COL9A1: variants seen among roughly 807,000 people sequenced by gnomAD.
COL9A1 encodes collagen alpha-1(IX) chain.
In COL9A1, 104 loss-of-function variants were observed where a neutral mutation model predicts 142.6. The ratio of observed to expected loss-of-function variants is 0.73; its 90% CI spans 0.62 to 0.86. The LOEUF is 0.86. Among genes scored for constraint, COL9A1 ranks in the 40% least tolerant of loss-of-function variants. The pLI, the probability that COL9A1 is intolerant of heterozygous loss-of-function variation, is 0.00. For synonymous variants in COL9A1, 466 were observed against 396.0 expected, an observed-to-expected ratio of 1.18 and a Z score of -2.10; for missense variants, 1,210 against 1,176.6, an observed-to-expected ratio of 1.03 and a Z score of -0.42.
chr6:70,302,108 G>A (rs1226261431), intron 1 of COL9A1, 34 bp from the exon 2 acceptor site: 6 of 1,471,124 alleles, frequency 4.1e-6, no homozygotes, highest in Non-Finnish European at 5.7e-6. Flanking sequence ...ACTGAAACAG[G>A]AGTCCCCGCA....
At chr6:70,229,850 T>G (rs1170523572) in intron 36 of COL9A1, among the ~76,000 whole-genome samples, 2 of 152,208 alleles carry the variant, frequency 1.3e-5, no homozygotes, top group Non-Finnish European at 2.9e-5. Flanking sequence ...AAGCTTTGAC[T>G]ATGATTTGAG....
Position 70,271,573 on chromosome 6 carries a change from T to C in COL9A1, c.1143+82A>G, listed in dbSNP as rs763702603. 6.4e-5 allele frequency: 80 copies of C among 1,249,424 alleles called. No homozygotes were observed. In the Middle Eastern group the frequency reaches 9.3e-4, roughly 14 times the overall value. 77.4% of individuals were successfully genotyped at this position (1,249,424 alleles called of 1,614,324 possible). ...ATGTTTTGGTTTGCAAGTGGAAATGTACAGTTAGGGTAATTTGCTTTCCCA... is the reference window on the plus strand; with the variant it reads ...ATGTTTTGGTTTGCAAGTGGAAATGCACAGTTAGGGTAATTTGCTTTCCCA... On this transcript the variant is annotated intron_variant, in intron 14 of 37. Coordinates refer to ENST00000357250, the MANE Select transcript of COL9A1 (RefSeq NM_001851.6).
chr6:70,300,357 C>T lies in COL9A1; in HGVS notation c.118G>A (p.Gly40Arg). ...RFPVNSNSNG[G>R]NELCPKIRIG... Reference sequence around the variant, plus strand: ...CTGATCTTTGGACAGAGTTCATTTCCACCATTAGAATTGGAATTGACAGGG... The same window carrying T: ...CTGATCTTTGGACAGAGTTCATTTCTACCATTAGAATTGGAATTGACAGGG... The change falls in exon 3 of 38, where the codon GGA (glycine) becomes AGA (arginine). Residue 40 changes from glycine to arginine, a missense_variant. Coordinates refer to ENST00000357250, the MANE Select transcript of COL9A1 (RefSeq NM_001851.6). 6.2e-7 allele frequency: 1 copy of T among 1,613,306 alleles called. No individual in the cohort carries two copies. The highest frequency in any genetic ancestry group is 8.5e-7 in the Non-Finnish European group (1 of 1,179,650).
intron 20 of COL9A1, among the ~76,000 whole-genome samples, chr6:70,260,223 A>C (rs1771582549): frequency 6.6e-6 from 1 of 152,106 alleles, no homozygotes; most frequent in African/African-American, 2.4e-5. Context: ...AAACCTAATC[A>C]CACATCTACA....
rs1489508146 is a variant in COL9A1, at chr6:70,301,898, G to A, written c.88+103C>T. On this transcript the variant is annotated intron_variant, in intron 2 of 37. Coordinates refer to ENST00000357250, the MANE Select transcript of COL9A1 (RefSeq NM_001851.6). ...AAGCTGGATTGAAGAGTGAGGGTGT[G>A]AAGGACTATGAATGCCTCACTCAGT... The A allele has an allele frequency of 9.9e-6, 9 of 912,510 alleles. 1 individual carries two copies. The East Asian group carries it at 1.6e-4, about 16-fold the overall frequency. 56.5% of individuals were successfully genotyped at this position (912,510 alleles called of 1,614,324 possible).
At chr6:70,289,471 A>G (rs534334478) in intron 5 of COL9A1, among the ~76,000 whole-genome samples, 4 of 152,028 alleles carry the variant, frequency 2.6e-5, no homozygotes, top group Admixed American at 2.0e-4. Flanking sequence ...GTGTTTCCTC[A>G]TTTCATTGCC....
rs570146688 is a variant in COL9A1 at position 70,261,695 on chromosome 6, T to C, written c.1396-985A>G. Among the ~76,000 whole-genome samples the C allele has an allele frequency of 4.6e-5, 7 of 152,336 alleles. No homozygotes were observed. In the South Asian group the frequency reaches 1.0e-3, roughly 23 times the overall value. ...CAGTTTAGGATATCCATTTAGAATA[T>C]CGAGTGAGATGTGGCCATATCAGAT... is the stretch of plus-strand genomic sequence containing the variant. On this transcript the variant is annotated intron_variant, in intron 19 of 37. Coordinates refer to ENST00000357250, the MANE Select transcript of COL9A1 (RefSeq NM_001851.6).
chr6:70,244,181 G>A (rs1335007840), intron 28 of COL9A1, among the ~76,000 whole-genome samples: 3 of 152,154 alleles, frequency 2.0e-5, no homozygotes, highest in Non-Finnish European at 4.4e-5. Flanking sequence ...ACTTATAGGT[G>A]ATTTAAACTA....
At position 70,282,892 on chromosome 6, in the gene COL9A1, A is replaced by G. The variant is rs1175450539; in HGVS notation, c.801+6T>C. The G allele has an allele frequency of 1.9e-6, 3 of 1,613,864 alleles. No homozygotes were observed. Among genetic ancestry groups the G allele is most frequent in the Non-Finnish European group, 2.5e-6 (3 of 1,179,998 alleles). ...AAAATGCAAACACTCCCTGCCCCCA[A>G]CTTACCTCGTCGGTGGTCTGGCTGG... On this transcript the variant is annotated splice_donor_region_variant and intron_variant, in intron 7 of 37. Coordinates refer to ENST00000357250, the MANE Select transcript of COL9A1 (RefSeq NM_001851.6).
chr6:70,264,815 T>G (rs1309314065), intron 18 of COL9A1, among the ~76,000 whole-genome samples: 2 of 152,256 alleles, frequency 1.3e-5, no homozygotes, highest in Non-Finnish European at 2.9e-5. Context: ...AACATTTTGA[T>G]TATTGAAATT....
At chr6:70,256,939 A>G (rs1771341510) in intron 20 of COL9A1, 118 bp from the exon 21 acceptor site, 1 of 859,732 alleles carries the variant, frequency 1.2e-6, no homozygotes, top group Middle Eastern at 2.2e-4. Flanking sequence ...TGCCTGTAAT[A>G]CACACAGTGA....
At chr6:70,265,650 T>A (rs1771964433) in intron 18 of COL9A1, among the ~76,000 whole-genome samples, 3 of 152,018 alleles carry the variant, frequency 2.0e-5, no homozygotes, top group Non-Finnish European at 4.4e-5. Flanking sequence ...AGCACTTGGG[T>A]TTTTTTCCTA....
At chr6:70,302,160 T>G in intron 1 of COL9A1, 86 bp from the exon 2 acceptor site, 2 of 721,328 alleles carry the variant, frequency 2.8e-6, no homozygotes, top group South Asian at 3.3e-5. Flanking sequence ...GTAAACCTAA[T>G]TAATGTAAGG....
chr6:70,290,479 G>T (rs1333351678), intron 5 of COL9A1, among the ~76,000 whole-genome samples: 1 of 152,090 alleles, frequency 6.6e-6, no homozygotes, highest in Non-Finnish European at 1.5e-5. Flanking sequence ...AACCATGAAT[G>T]ATGAGAAGAT....
rs537782461 is a variant in COL9A1, at chr6:70,291,494, C to T, written c.696+2673G>A. 2.6e-5 allele frequency among the ~76,000 whole-genome samples: 4 copies of T among 152,192 alleles called. 1 individual carries two copies. The South Asian group carries it at 6.2e-4, about 24-fold the overall frequency. ...GGCCACTATCATGGTCCTTATCATG[C>T]TATATTGTGATGATTGTTTACTTGT... On this transcript the variant is annotated intron_variant, in intron 5 of 37. Transcript: ENST00000357250.
Position 70,232,680 on chromosome 6 carries a change from G to A in COL9A1, c.2406C>T (p.Gly802=). ...PGRPGPPGPP[G]PPGENGFPGQ... ...CTGGGAAACCATTCTCTCCAGGAGG[G>A]CCGGGGGGACCAGGAGGGCCAGGCC... The change falls in exon 36 of 38, where the codon GGC becomes GGT. Residue 802 remains glycine, a synonymous_variant. Coordinates refer to ENST00000357250, the MANE Select transcript of COL9A1 (RefSeq NM_001851.6). 1 of 1,614,038 alleles carries A rather than the reference G, an allele frequency of 6.2e-7. No individual in the cohort carries two copies.
At chr6:70,262,165 C>CA (rs70987501) in intron 19 of COL9A1, among the ~76,000 whole-genome samples, 22,535 of 144,294 alleles carry the variant, frequency 0.16, 1,861 homozygotes, top group Non-Finnish European at 0.21. Context: ...TTCATCAGAT[C>CA]AAAAAAAAAA....
intron 15 of COL9A1, 33 bp downstream of exon 15, chr6:70,270,281 C>T (rs1468169056): frequency 6.2e-6 from 10 of 1,605,014 alleles, no homozygotes; most frequent in African/African-American, 1.3e-5. Flanking sequence ...GACTCTCAGA[C>T]ACAAACAGAA....
chr6:70,221,204 C>A (rs569305235), intron 37 of COL9A1, among the ~76,000 whole-genome samples: 12 of 152,012 alleles, frequency 7.9e-5, no homozygotes, highest in Non-Finnish European at 1.5e-4. Context: ...ATTCTGGAGG[C>A]AGCCCCTCAC....
Sources: allele counts gnomAD v4.1 joint callset (sites outside exome capture counted in the v4.1 genomes callset), GRCh38; gene constraint gnomAD v4.1.1; transcripts MANE v1.5; gene names NCBI Gene and HGNC (gene_info 2026-07-23, HGNC 2026-07-21).